The following NIBAN3 variants were observed in gnomAD, a reference collection of about 807,000 sequenced individuals.
NIBAN3 encodes protein Niban 3.
In NIBAN3, 66 loss-of-function variants were observed where a neutral mutation model predicts 76.4. The observed-to-expected ratio is 0.86, with a 90% CI of 0.71 to 1.06. The LOEUF (loss-of-function observed/expected upper bound fraction) is 1.06, where lower values mean the gene tolerates loss of function less well. NIBAN3 is among the 50% of genes least tolerant of loss of function. The pLI, the probability that NIBAN3 is intolerant of heterozygous loss-of-function variation, is 0.00. For synonymous variants in NIBAN3, 360 were observed against 355.2 expected (o/e 1.01, Z -0.15); for missense variants, 808 against 810.7 (o/e 1.00, Z 0.04).
intron 11 of NIBAN3, 23 bp from the exon 12 acceptor site, chr19:17,543,501 G>C: frequency 6.2e-7 from 1 of 1,612,696 alleles, no homozygotes. Flanking sequence ...GTTGCTGGAC[G>C]CACCGCTGGG....
At chr19:17,533,520 T>G in intron 3 of NIBAN3, 67 bp from the exon 4 acceptor site, 1 of 1,041,342 alleles carries the variant, frequency 9.6e-7, no homozygotes, top group Non-Finnish European at 1.5e-6. Context: ...CCCTTGATGG[T>G]ATAGTTGGGA....
Position 17,540,498 on chromosome 19 carries a change from G to A in NIBAN3, c.1086G>A (p.Ala362=), listed in dbSNP as rs995297747. The change falls in exon 9 of 15, where the codon GCG becomes GCA. Residue 362 remains alanine (A), a synonymous_variant. Coordinates refer to ENST00000599164, the MANE Select transcript of NIBAN3 (RefSeq NM_001321827.2). ...GCACCGTGGAAGCCTCGCTCGAGGC[G>A]GTGCGGACCCTCCTGGCTCAAGGCA... The part of the protein sequence containing the change: ...LLRTVEASLE[A]VRTLLAQGMD... The A allele has an allele frequency of 2.5e-6, 4 of 1,598,766 alleles. No homozygotes were observed. The highest frequency in any genetic ancestry group is 1.7e-5 in the Admixed American group (1 of 58,514).
intron 4 of NIBAN3, 55 bp downstream of exon 4, chr19:17,533,756 T>G: frequency 7.6e-7 from 1 of 1,308,918 alleles, no homozygotes; most frequent in Non-Finnish European, 1.1e-6. Flanking sequence ...ATCATTAACA[T>G]GTGGGGCCAG....
chr19:17,549,979 C>T (rs1170453168), intron 14 of NIBAN3, among the ~76,000 whole-genome samples: 1 of 151,940 alleles, frequency 6.6e-6, no homozygotes, highest in Non-Finnish European at 1.5e-5. Context: ...GCCACCATGC[C>T]CAGCTAATTT....
At chr19:17,523,400 T>A (rs2075575621), upstream of NIBAN3, 1 of 1,540,056 alleles carries the variant, frequency 6.5e-7, no homozygotes, top group Non-Finnish European at 8.8e-7. Context: ...CAACGTCTTG[T>A]CCCGGCAGGC....
chr19:17,526,920 T>C (rs888728065), upstream of NIBAN3, among the ~76,000 whole-genome samples: 2 of 151,818 alleles, frequency 1.3e-5, no homozygotes, highest in Non-Finnish European at 2.9e-5. Context: ...CTCTCTGGGG[T>C]CCAGCCTCAC....
intron 4 of NIBAN3, among the ~76,000 whole-genome samples, chr19:17,534,235 C>T (rs1472894670): frequency 6.6e-6 from 1 of 152,138 alleles, no homozygotes; most frequent in African/African-American, 2.4e-5. Context: ...AAACAATAGG[C>T]TGGGCACGGT....
At chr19:17,539,319 G>C in intron 6 of NIBAN3, 28 bp from the exon 7 acceptor site, 1 of 1,554,032 alleles carries the variant, frequency 6.4e-7, no homozygotes, top group Non-Finnish European at 8.7e-7. Flanking sequence ...CCGGCCGACC[G>C]CGGCGCCCAT....
intron 1 of NIBAN3, among the ~76,000 whole-genome samples, chr19:17,530,499 C>T (rs545480008): frequency 7.4e-6 from 1 of 134,434 alleles, no homozygotes; most frequent in East Asian, 2.3e-4. Flanking sequence ...TGCCACTGCA[C>T]TTCAGCCTGG....
intron 5 of NIBAN3, 38 bp from the exon 6 acceptor site, chr19:17,539,112 G>A: frequency 6.6e-7 from 1 of 1,520,844 alleles, no homozygotes; most frequent in Admixed American, 2.0e-5. Flanking sequence ...GCCAGGCAGG[G>A]GAGCTACCAG....
At chr19:17,535,863 C>G (rs2144704323) in intron 4 of NIBAN3, among the ~76,000 whole-genome samples, 1 of 151,956 alleles carries the variant, frequency 6.6e-6, no homozygotes, top group South Asian at 2.1e-4. Context: ...ATGATCACAC[C>G]ACTGTATTCC....
intron 13 of NIBAN3, among the ~76,000 whole-genome samples, chr19:17,547,868 T>C (rs548521601): frequency 3.9e-5 from 6 of 152,088 alleles, no homozygotes; most frequent in South Asian, 2.1e-4. Context: ...GGTTTCACTA[T>C]GTTGGCCAGG....
chr19:17,533,819 C>T (rs924756087), intron 4 of NIBAN3, 118 bp downstream of exon 4: 10 of 737,088 alleles, frequency 1.4e-5, no homozygotes, highest in Admixed American at 2.4e-5. Flanking sequence ...TAAGCAGCAT[C>T]CCTGGCTTCC....
At chr19:17,530,065 G>A (rs59851281) in intron 1 of NIBAN3, among the ~76,000 whole-genome samples, 47,679 of 146,200 alleles carry the variant, frequency 0.33, 8,889 homozygotes, top group African/African-American at 0.53. Context: ...TCAAAAAAAA[G>A]AAAAAAAAGT....
At position 17,552,978 on chromosome 19, in the gene NIBAN3, G is replaced by C. The variant is rs2076179086; in HGVS notation, c.*1080G>C. 6.4e-6 allele frequency: 1 copy of C among 155,502 alleles called. No homozygotes were observed. Among genetic ancestry groups the C allele is most frequent in the African/African-American group, 2.4e-5 (1 of 41,508 alleles). 9.6% of individuals were successfully genotyped at this position (155,502 alleles called of 1,614,324 possible). ...TAAAATTTAAAAGAAGCTGGGCTGA[G>C]ATGGGAGATTTACCTGAGCCTGGGA... On this transcript the variant is annotated 3_prime_UTR_variant, in exon 15 of 15. Transcript: ENST00000599164.
upstream of NIBAN3, among the ~76,000 whole-genome samples, chr19:17,524,588 A>C (rs112428202): frequency 9.1e-3 from 1,390 of 152,304 alleles, 19 homozygotes; most frequent in African/African-American, 0.032. Context: ...GCCAGCTGAA[A>C]AAACATAAAT....
chr19:17,527,242 T>C, upstream of NIBAN3: 1 of 1,549,420 alleles, frequency 6.5e-7, no homozygotes, highest in Non-Finnish European at 8.7e-7. Context: ...GAACCCACTG[T>C]GACCAAGCCT....
chr19:17,539,877 C>A, intron 8 of NIBAN3, 112 bp downstream of exon 8: 2 of 686,626 alleles, frequency 2.9e-6, no homozygotes, highest in Non-Finnish European at 4.3e-6. Flanking sequence ...GGGGCGTGGT[C>A]AGAGAGGGGC....
At chr19:17,537,796 A>G (rs1179297094) in intron 5 of NIBAN3, among the ~76,000 whole-genome samples, 1 of 152,078 alleles carries the variant, frequency 6.6e-6, no homozygotes, top group Non-Finnish European at 1.5e-5. Context: ...AAATACAAAA[A>G]TTAGCTGGGC....
Sources: gnomAD v4.1 joint callset for allele counts (sites outside exome capture counted in the v4.1 genomes callset) on GRCh38, gnomAD v4.1.1 for gene constraint, MANE v1.5 for transcripts, NCBI Gene and HGNC (gene_info 2026-07-23, HGNC 2026-07-21) for gene names.